Variants in LCA5L observed in about 807,000 individuals in gnomAD.
The protein encoded by LCA5L is lebercilin LCA5 like.
In LCA5L, 35 loss-of-function variants were observed where a neutral mutation model predicts 45.4. That is an observed-to-expected ratio of 0.77 (90% CI 0.59 to 1.02). The LOEUF is 1.02. LCA5L is among the 50% of genes least tolerant of loss of function. The pLI is 0.00. For synonymous variants in LCA5L, 233 were observed against 264.7 expected (o/e 0.88, Z 1.16); for missense variants, 668 against 761.6 (o/e 0.88, Z 1.45).
At chr21:39,440,709 T>A (rs76141934) in intron 2 of LCA5L, among the ~76,000 whole-genome samples, 1 of 152,106 alleles carries the variant, frequency 6.6e-6, no homozygotes, top group African/African-American at 2.4e-5. Flanking sequence ...CTAGTGTCCA[T>A]GGGCACTTGA....
chr21:39,421,255 C>A (rs971160655), intron 6 of LCA5L, among the ~76,000 whole-genome samples: 2 of 152,116 alleles, frequency 1.3e-5, no homozygotes, highest in African/African-American at 2.4e-5. Context: ...GTGCACACCA[C>A]CATGCCTGGA....
intron 1 of LCA5L, among the ~76,000 whole-genome samples, chr21:39,444,925 G>T (rs2077284944): frequency 6.6e-6 from 1 of 152,168 alleles, no homozygotes; most frequent in Non-Finnish European, 1.5e-5. Context: ...TCCAAGTAGG[G>T]ATGTGGCAGG....
chr21:39,407,925 C>T (rs2039386723), intron 10 of LCA5L: 2 of 152,204 alleles, frequency 1.3e-5, no homozygotes, highest in Non-Finnish European at 2.9e-5. Context: ...CCGGTGAGTT[C>T]TGTCAAACTA....
Position 39,417,911 on chromosome 21 carries a change from G to A in LCA5L, c.975+2795C>T, listed in dbSNP as rs556313021. 8.5e-5 allele frequency among the ~76,000 whole-genome samples: 13 copies of A among 152,162 alleles called. No homozygotes were observed. The East Asian group carries it at 1.5e-3, about 18-fold the overall frequency. ...CTCCCAAGTAGCTGGGACTACAGGTGCCCGCCACCATGCCTGGTTAATTTT... is the reference window on the plus strand; with the variant it reads ...CTCCCAAGTAGCTGGGACTACAGGTACCCGCCACCATGCCTGGTTAATTTT... On this transcript the variant is annotated intron_variant, in intron 7 of 10. Coordinates refer to ENST00000288350, the MANE Select transcript of LCA5L (RefSeq NM_152505.4).
chr21:39,435,194 C>T (rs867899511), intron 3 of LCA5L, among the ~76,000 whole-genome samples: 1 of 152,152 alleles, frequency 6.6e-6, no homozygotes, highest in African/African-American at 2.4e-5. Flanking sequence ...GTTGAGGTTA[C>T]GTTTTCCCGG....
In LCA5L at chr21:39,409,952, A is replaced by C. The variant is rs1282293891; in HGVS notation, c.1282+27T>G. On this transcript the variant is annotated intron_variant, in intron 10 of 10. Transcript: ENST00000288350. The surrounding 1 kb of genome is among the most constrained non-coding windows in gnomAD (Gnocchi z 4.2). ...TTCACAATTTTAAAGAAATCAGATA[A>C]GATAGACTTTAAAGAGTTAAAATTA... is the stretch of plus-strand genomic sequence containing the variant. 8.0e-7 allele frequency: 1 copy of C among 1,242,418 alleles called. No homozygotes were observed. Among genetic ancestry groups the C allele is most frequent in the Non-Finnish European group, 1.2e-6 (1 of 854,776 alleles). 77.0% of individuals were successfully genotyped at this position (1,242,418 alleles called of 1,614,324 possible). A position where few individuals can be genotyped will look rare whatever the true frequency, so the allele number is the denominator to read the frequency against.
At chr21:39,436,264 A>G (rs1478278404) in intron 2 of LCA5L, 1 of 152,224 alleles carries the variant, frequency 6.6e-6, no homozygotes, top group Non-Finnish European at 1.5e-5. Context: ...CTGATTTAGT[A>G]TTATATACTA....
At position 39,405,867 on chromosome 21, in the gene LCA5L, G is replaced by A. The variant is rs552928783; in HGVS notation, c.*15C>T. 1.5e-4 allele frequency: 223 copies of A among 1,526,118 alleles called. No homozygotes were observed. Among genetic ancestry groups the A allele is most frequent in the Middle Eastern group, 4.1e-4 (2 of 4,934 alleles). The allele number at this position is 1,526,118 out of a possible 1,614,324, so 94.5% of individuals were successfully genotyped here. ...CATTATATCAAACCAGAATGCATTA[G>A]GATATTGATTATATTTAAATAATTA... is the stretch of plus-strand genomic sequence containing the variant. On this transcript the variant is annotated 3_prime_UTR_variant, in exon 11 of 11. Coordinates refer to ENST00000288350, the MANE Select transcript of LCA5L (RefSeq NM_152505.4).
At chr21:39,420,958 T>G (rs575378589) in intron 6 of LCA5L, 115 bp from the exon 7 acceptor site, 1 of 761,192 alleles carries the variant, frequency 1.3e-6, no homozygotes, top group Non-Finnish European at 2.1e-6. Context: ...ACAATTTTAG[T>G]GAATGACTTA....
chr21:39,407,628 G>C (rs2039314090), intron 10 of LCA5L, among the ~76,000 whole-genome samples: 1 of 152,138 alleles, frequency 6.6e-6, no homozygotes, highest in Non-Finnish European at 1.5e-5. Flanking sequence ...CAATGAGCTG[G>C]ATCCATGTGA....
At chr21:39,414,740 C>CTGTGTGTG (rs796818060) in intron 7 of LCA5L, among the ~76,000 whole-genome samples, 285 of 104,088 alleles carry the variant, frequency 2.7e-3, no homozygotes, top group Non-Finnish European at 3.3e-3. Context: ...CTCTCTCTCT[C>CTGTGTGTG]TCTGTGTGTG....
chr21:39,440,473 C>A (rs552633233), intron 2 of LCA5L, among the ~76,000 whole-genome samples: 1 of 152,154 alleles, frequency 6.6e-6, no homozygotes, highest in East Asian at 1.9e-4. Context: ...GAGGCTGAGG[C>A]TGCAGTGAAT....
chr21:39,406,209 T>C lies in LCA5L; in HGVS notation c.1686A>G (p.Arg562=). 1 of 1,614,242 alleles carries C rather than the reference T, an allele frequency of 6.2e-7. No homozygotes were observed. ...SHSTGKHLSN[R]EEMELEHSDS... ...CAGAATGCTCTAGCTCCATTTCCTCTCTGTTACTGAGATGCTTGCCTGTAC... is the reference window on the plus strand; with the variant it reads ...CAGAATGCTCTAGCTCCATTTCCTCCCTGTTACTGAGATGCTTGCCTGTAC... The change falls in exon 11 of 11, where the codon AGA becomes AGG. Residue 562 remains arginine, a synonymous_variant. Coordinates refer to ENST00000288350, the MANE Select transcript of LCA5L (RefSeq NM_152505.4).
chr21:39,416,966 G>A (rs1387256166), intron 7 of LCA5L, among the ~76,000 whole-genome samples: 3 of 152,116 alleles, frequency 2.0e-5, no homozygotes, highest in Non-Finnish European at 4.4e-5. Context: ...TGCATCCCGC[G>A]GTTACAAAGG....
At chr21:39,433,874 C>T (rs921910926) in intron 3 of LCA5L, among the ~76,000 whole-genome samples, 4 of 150,808 alleles carry the variant, frequency 2.7e-5, no homozygotes, top group African/African-American at 4.9e-5. Context: ...AAGTGATCCT[C>T]CCTCCTCAGC....
At position 39,428,374 on chromosome 21, in the gene LCA5L, C is replaced by T. The variant is rs1448960479; in HGVS notation, c.120G>A (p.Arg40=). The T allele has an allele frequency of 6.2e-7, 1 of 1,613,322 alleles. No homozygotes were observed. Among genetic ancestry groups the T allele is most frequent in the Admixed American group, 1.7e-5 (1 of 59,862 alleles). The stretch of plus-strand genomic sequence containing the variant: ...CACTCTTATTGGAAGCATTACTGTT[C>T]CGTGAAAAATCGCCTGTGCCTGGGC... ...KRSPGTGDFS[R]NSNASNKSVD... Residue 40 remains arginine, a synonymous_variant, in exon 5 of 11, where the codon CGG becomes CGA. Transcript: ENST00000288350.
At position 39,409,135 on chromosome 21, in the gene LCA5L, T is replaced by C. The variant is rs77654279; in HGVS notation, c.1282+844A>G. Among the ~76,000 whole-genome samples the C allele has an allele frequency of 6.6e-6, 1 of 151,996 alleles. No homozygotes were observed. Among genetic ancestry groups the C allele is most frequent in the Non-Finnish European group, 1.5e-5 (1 of 68,012 alleles). ...CTTCATGACGGAATTAGTGTCCTTATAAAAAGAAACACTGGAGCACTGGTG... is the reference window on the plus strand; with the variant it reads ...CTTCATGACGGAATTAGTGTCCTTACAAAAAGAAACACTGGAGCACTGGTG... On this transcript the variant is annotated intron_variant, in intron 10 of 10. Coordinates refer to ENST00000288350, the MANE Select transcript of LCA5L (RefSeq NM_152505.4). The surrounding 1 kb of genome is among the most constrained non-coding windows in gnomAD (Gnocchi z 4.2).
chr21:39,432,224 T>C (rs2075806072), intron 3 of LCA5L, among the ~76,000 whole-genome samples: 1 of 152,198 alleles, frequency 6.6e-6, no homozygotes, highest in Non-Finnish European at 1.5e-5. Context: ...AATCAGCTTT[T>C]AGGTAAAATC....
chr21:39,436,359 A>G (rs1384735579), intron 2 of LCA5L, among the ~76,000 whole-genome samples: 1 of 152,232 alleles, frequency 6.6e-6, no homozygotes, highest in Admixed American at 6.5e-5. Flanking sequence ...TTAAAAGTAA[A>G]TATTTTGTTA....
Sources: gnomAD v4.1 joint callset for allele counts (sites outside exome capture counted in the v4.1 genomes callset) on GRCh38, gnomAD v4.1.1 for gene constraint, Gnocchi (gnomAD v3.1) non-coding constraint, MANE v1.5 for transcripts, NCBI Gene and HGNC (gene_info 2026-07-23, HGNC 2026-07-21) for gene names.